Variants in MAD1L1 observed in about 807,000 individuals in gnomAD.
MAD1L1 encodes mitotic arrest deficient 1 like 1.
In MAD1L1, 95 loss-of-function variants were observed where a neutral mutation model predicts 96.9. The observed-to-expected ratio is 0.98, with a 90% CI of 0.83 to 1.16. The LOEUF (loss-of-function observed/expected upper bound fraction) is 1.16. Among genes scored for constraint, MAD1L1 ranks in the 50% most tolerant of loss-of-function variants. The pLI, the probability that MAD1L1 is intolerant of heterozygous loss-of-function variation, is 0.00. For missense variants in MAD1L1, 1,007 were observed against 954.4 expected (o/e 1.06, Z -0.73); for synonymous variants, 473 against 396.6 (o/e 1.19, Z -2.29).
intron 15 of MAD1L1, among the ~76,000 whole-genome samples, chr7:1,971,085 C>T (rs1020970515): frequency 6.6e-6 from 1 of 151,898 alleles, no homozygotes; most frequent in Non-Finnish European, 1.5e-5. Context: ...CTTCGGTGTG[C>T]GAGTTCCACC....
At chr7:2,205,084 C>CTTTTTTTTTTTTTTTTTTT (rs56101356) in intron 10 of MAD1L1, among the ~76,000 whole-genome samples, 3 of 103,860 alleles carry the variant, frequency 2.9e-5, no homozygotes, top group African/African-American at 3.6e-5. Flanking sequence ...AGGATCTTTT[C>CTTTTTTTTTTTTTTTTTTT]TTTTTTTTTT....
At chr7:1,878,734 C>T (rs905199115) in intron 18 of MAD1L1, among the ~76,000 whole-genome samples, 2 of 60,666 alleles carry the variant, frequency 3.3e-5, no homozygotes, top group Non-Finnish European at 8.4e-5. Context: ...AAAAATGTCC[C>T]CCCCCCCCCA....
chr7:1,859,204 G>A (rs1784402358), intron 18 of MAD1L1, among the ~76,000 whole-genome samples: 1 of 152,218 alleles, frequency 6.6e-6, no homozygotes, highest in African/African-American at 2.4e-5. Flanking sequence ...TCCCCCTGGT[G>A]TGAAGGAAGA....
chr7:1,959,829 G>A (rs950947509), intron 15 of MAD1L1, among the ~76,000 whole-genome samples: 3 of 151,626 alleles, frequency 2.0e-5, no homozygotes, highest in African/African-American at 4.8e-5. Flanking sequence ...AGGGCGGGGC[G>A]GGGCAAATAC....
chr7:1,817,693 C>G (rs1475367818), intron 18 of MAD1L1, among the ~76,000 whole-genome samples: 1 of 152,158 alleles, frequency 6.6e-6, no homozygotes, highest in Non-Finnish European at 1.5e-5. Context: ...GAGCGCTAGA[C>G]GTGAGGGTGA....
At chr7:1,944,994 G>A (rs556150181) in intron 16 of MAD1L1, among the ~76,000 whole-genome samples, 2 of 152,350 alleles carry the variant, frequency 1.3e-5, no homozygotes, top group Non-Finnish European at 2.9e-5. Flanking sequence ...GAAGCAGAGG[G>A]AGACGGGTAC....
chr7:1,915,547 G>A (rs1303883229), intron 17 of MAD1L1, among the ~76,000 whole-genome samples: 1 of 152,240 alleles, frequency 6.6e-6, no homozygotes, highest in East Asian at 1.9e-4. Flanking sequence ...GCTGGAGGAC[G>A]CACGCTGCCT....
chr7:2,014,364 C>T (rs1463187342), intron 13 of MAD1L1, 138 bp downstream of exon 13: 1 of 1,150,920 alleles, frequency 8.7e-7, no homozygotes, highest in Non-Finnish European at 1.2e-6. Context: ...CCGTGGACAC[C>T]CTCCCTGACA....
intron 10 of MAD1L1, among the ~76,000 whole-genome samples, chr7:2,160,109 T>C (rs1447296546): frequency 6.6e-6 from 1 of 151,742 alleles, no homozygotes; most frequent in East Asian, 1.9e-4. Context: ...GGAGTGCCTA[T>C]AGTCCCAGCT....
At chr7:2,048,528 A>G (rs146567494) in intron 12 of MAD1L1, among the ~76,000 whole-genome samples, 98 of 152,302 alleles carry the variant, frequency 6.4e-4, no homozygotes, top group African/African-American at 2.3e-3. Context: ...TTAACATAGG[A>G]TTTGTCAGGA....
chr7:1,820,306 C>T (rs1053469334), intron 18 of MAD1L1, among the ~76,000 whole-genome samples: 1 of 152,110 alleles, frequency 6.6e-6, no homozygotes, highest in African/African-American at 2.4e-5. Context: ...ACGGACAGCA[C>T]TCAATGCCTG....
At chr7:1,886,953 G>A (rs1786072419) in intron 18 of MAD1L1, among the ~76,000 whole-genome samples, 1 of 152,288 alleles carries the variant, frequency 6.6e-6, no homozygotes, top group Non-Finnish European at 1.5e-5. Context: ...CTGCCCCGCA[G>A]GTTCCTGGTG....
At chr7:1,929,265 G>A (rs1408187633) in intron 17 of MAD1L1, among the ~76,000 whole-genome samples, 1 of 151,910 alleles carries the variant, frequency 6.6e-6, no homozygotes, top group Admixed American at 6.5e-5. Context: ...CCTCCCCAAA[G>A]ACACCTCTAG....
At chr7:1,980,869 C>T (rs1780873327) in intron 14 of MAD1L1, 3 of 431,748 alleles carry the variant, frequency 6.9e-6, no homozygotes, top group Admixed American at 5.9e-5. Flanking sequence ...ACGCTGCCGT[C>T]GGTTTGGTTT....
intron 12 of MAD1L1, among the ~76,000 whole-genome samples, chr7:2,045,431 T>C (rs756294943): frequency 5.9e-5 from 9 of 152,170 alleles, no homozygotes; most frequent in Non-Finnish European, 1.2e-4. Flanking sequence ...GCACTCTGCG[T>C]GTACATAGCA....
intron 12 of MAD1L1, among the ~76,000 whole-genome samples, chr7:2,052,604 T>C (rs1376918333): frequency 2.6e-5 from 4 of 152,214 alleles, no homozygotes; most frequent in Non-Finnish European, 5.9e-5. Context: ...TAAGTCCTTA[T>C]ATCTTACAAA....
At chr7:1,884,352 G>A (rs1451865515) in intron 18 of MAD1L1, among the ~76,000 whole-genome samples, 1 of 152,224 alleles carries the variant, frequency 6.6e-6, no homozygotes, top group Non-Finnish European at 1.5e-5. Context: ...TGTCCGGGCA[G>A]CCACCAGCTC....
At chr7:1,859,778 AG>A (rs1323733601) in intron 18 of MAD1L1, among the ~76,000 whole-genome samples, 3 of 140,260 alleles carry the variant, frequency 2.1e-5, no homozygotes, top group Non-Finnish European at 4.7e-5. Context: ...GACATCCTGC[AG>A]GGCGGCCTCT....
At chr7:1,942,061 C>T (rs1053088537) in intron 16 of MAD1L1, among the ~76,000 whole-genome samples, 1 of 152,316 alleles carries the variant, frequency 6.6e-6, no homozygotes, top group South Asian at 2.1e-4. Context: ...TTGACCTCCA[C>T]GCGTTCGTTC....
Sources: allele counts gnomAD v4.1 joint callset (sites outside exome capture counted in the v4.1 genomes callset), GRCh38; gene constraint gnomAD v4.1.1; transcripts MANE v1.5; gene names NCBI Gene and HGNC (gene_info 2026-07-23, HGNC 2026-07-21).